CNTN6: variants seen among roughly 807,000 people sequenced by gnomAD.
CNTN6 encodes the protein contactin-6.
Under a neutral mutation model 122.8 loss-of-function variants are expected in CNTN6, and 137 were observed. That is an observed-to-expected ratio of 1.12 (90% CI 0.97 to 1.29). CNTN6 has a LOEUF of 1.29. Among genes scored for constraint, CNTN6 ranks in the 50% most tolerant of loss-of-function variants. The probability of loss-of-function intolerance (pLI) is 0.00; values close to 1 mark genes in which losing one functional copy is unlikely to be tolerated. For synonymous variants in CNTN6, 570 were observed against 426.0 expected (o/e 1.34, Z -4.16); for missense variants, 1,634 against 1,223.4 (o/e 1.34, Z -5.01).
chr3:1,224,657 A>T (rs2094254982), intron 3 of CNTN6, among the ~76,000 whole-genome samples: 1 of 152,190 alleles, frequency 6.6e-6, no homozygotes, highest in African/African-American at 2.4e-5. Flanking sequence ...AAACACCAAC[A>T]GGCACAAGCG....
intron 7 of CNTN6, among the ~76,000 whole-genome samples, chr3:1,301,500 C>T (rs983975714): frequency 6.6e-5 from 10 of 151,924 alleles, no homozygotes; most frequent in African/African-American, 1.7e-4. Context: ...AGGAAATAAC[C>T]GTTGAACATG....
At chr3:1,205,297 A>G (rs1233785447) in intron 2 of CNTN6, among the ~76,000 whole-genome samples, 1 of 152,154 alleles carries the variant, frequency 6.6e-6, no homozygotes, top group African/African-American at 2.4e-5. Context: ...GAACTATAAG[A>G]TAGTAAAATT....
intron 2 of CNTN6, among the ~76,000 whole-genome samples, chr3:1,191,206 G>C (rs1035586411): frequency 1.3e-5 from 2 of 151,964 alleles, no homozygotes; most frequent in Admixed American, 1.3e-4. Flanking sequence ...CCTGATTCCA[G>C]AGCTTGGAAT....
intron 4 of CNTN6, among the ~76,000 whole-genome samples, chr3:1,228,473 G>A (rs1222312939): frequency 6.6e-6 from 1 of 152,156 alleles, no homozygotes; most frequent in Non-Finnish European, 1.5e-5. Flanking sequence ...TATATTAACT[G>A]TAACAATGTC....
intron 1 of CNTN6, among the ~76,000 whole-genome samples, chr3:1,103,296 TGA>T (rs1352759934): frequency 6.6e-6 from 1 of 152,200 alleles, no homozygotes; most frequent in Non-Finnish European, 1.5e-5. Context: ...GGTAGAATTT[TGA>T]CAGCCCTATA....
intron 4 of CNTN6, among the ~76,000 whole-genome samples, chr3:1,273,330 C>G (rs1691717157): frequency 6.6e-6 from 1 of 152,146 alleles, no homozygotes; most frequent in Non-Finnish European, 1.5e-5. Context: ...TTCTTTTAAG[C>G]AAAAATGGAT....
chr3:1,168,362 T>C (rs899097766), intron 2 of CNTN6, among the ~76,000 whole-genome samples: 1 of 148,930 alleles, frequency 6.7e-6, no homozygotes, highest in East Asian at 2.0e-4. Context: ...AGGTTTGTTA[T>C]TGAGCAGTGC....
At chr3:1,281,684 C>T (rs139014702) in intron 5 of CNTN6, among the ~76,000 whole-genome samples, 5,641 of 152,054 alleles carry the variant, frequency 0.037, 354 homozygotes, top group African/African-American at 0.13. Flanking sequence ...GTGATCTGCC[C>T]GCCTCGGCCT....
chr3:1,319,725 G>A (rs1700581007), intron 7 of CNTN6, among the ~76,000 whole-genome samples: 2 of 151,322 alleles, frequency 1.3e-5, no homozygotes, highest in Non-Finnish European at 3.0e-5. Context: ...ACAAATATTA[G>A]AGCTCTATTT....
intron 4 of CNTN6, among the ~76,000 whole-genome samples, chr3:1,250,024 G>A (rs2094638945): frequency 6.6e-6 from 1 of 152,068 alleles, no homozygotes; most frequent in Non-Finnish European, 1.5e-5. Flanking sequence ...TTAAAAAGGT[G>A]TAAAATGTAG....
intron 1 of CNTN6, among the ~76,000 whole-genome samples, chr3:1,143,299 G>C (rs1162043017): frequency 6.6e-6 from 1 of 152,052 alleles, no homozygotes; most frequent in Admixed American, 6.6e-5. Context: ...TTTCATGCAA[G>C]AAAAAGTAAA....
At chr3:1,287,044 A>C (rs556047692) in intron 5 of CNTN6, among the ~76,000 whole-genome samples, 1 of 152,288 alleles carries the variant, frequency 6.6e-6, no homozygotes, top group African/African-American at 2.4e-5. Flanking sequence ...ATATGCACCC[A>C]ATACAGGAGC....
chr3:1,099,933 A>G (rs1027321241), intron 1 of CNTN6, among the ~76,000 whole-genome samples: 5 of 152,192 alleles, frequency 3.3e-5, no homozygotes, highest in Admixed American at 6.5e-5. Context: ...ATGTACTTTT[A>G]TATTTTCAAA....
chr3:1,322,202 A>G (rs572088690), intron 8 of CNTN6, among the ~76,000 whole-genome samples: 85 of 151,864 alleles, frequency 5.6e-4, no homozygotes, highest in African/African-American at 2.0e-3. Flanking sequence ...TAATAAATGA[A>G]AAAAATTGAT....
chr3:1,374,128 A>G, intron 16 of CNTN6, 55 bp downstream of exon 16: 1 of 1,052,916 alleles, frequency 9.5e-7, no homozygotes, highest in Non-Finnish European at 1.3e-6. Context: ...TACAGTTCTT[A>G]AAACAAAACA....
At chr3:1,339,878 C>T (rs1255373943) in intron 11 of CNTN6, among the ~76,000 whole-genome samples, 1 of 152,056 alleles carries the variant, frequency 6.6e-6, no homozygotes, top group Non-Finnish European at 1.5e-5. Flanking sequence ...ATTCTATCTC[C>T]AATTAAATTA....
chr3:1,388,314 C>G (rs1032889811), intron 20 of CNTN6, among the ~76,000 whole-genome samples: 2 of 146,764 alleles, frequency 1.4e-5, no homozygotes, highest in South Asian at 2.2e-4. Context: ...TGACACCTCA[C>G]ACGGCAGGGT....
In CNTN6 at chr3:1,155,345, CT is replaced by C. The variant is rs534629740; in HGVS notation, c.55+7283del. On this transcript the variant is annotated intron_variant, in intron 2 of 22. Transcript: ENST00000446702. The stretch of plus-strand genomic sequence containing the variant: ...TAAAATAAATGAGCACGTTATTGAC[CT>C]CTCAAAATAAGACCCCAAGACTGCT... Among the ~76,000 whole-genome samples the C allele has an allele frequency of 1.4e-3, 218 of 152,244 alleles. 1 individual carries two copies. Among genetic ancestry groups the C allele is most frequent in the African/African-American group, 5.2e-3 (214 of 41,536 alleles).
chr3:1,338,578 T>C (rs1156471225), intron 11 of CNTN6, among the ~76,000 whole-genome samples: 2 of 152,178 alleles, frequency 1.3e-5, no homozygotes, highest in East Asian at 3.9e-4. Flanking sequence ...TATCTCACTG[T>C]TGAAGAGATA....
Sources: gnomAD v4.1 joint callset for allele counts (sites outside exome capture counted in the v4.1 genomes callset) on GRCh38, gnomAD v4.1.1 for gene constraint, MANE v1.5 for transcripts, NCBI Gene and HGNC (gene_info 2026-07-23, HGNC 2026-07-21) for gene names.